Variants in RSU1 observed in about 807,000 individuals in gnomAD.
RSU1 encodes Ras suppressor protein 1.
A neutral mutation model predicts 31.1 loss-of-function variants in RSU1; 26 were observed. The observed-to-expected ratio is 0.84, with a 90% CI of 0.61 to 1.16. RSU1 has a LOEUF of 1.16. Ranked by LOEUF, RSU1 falls within the 50% of genes most tolerant of loss-of-function variation. The pLI, the probability that RSU1 is intolerant of heterozygous loss-of-function variation, is 0.00. For missense variants in RSU1, 320 were observed against 339.1 expected, an observed-to-expected ratio of 0.94 and a Z score of 0.44; for synonymous variants, 164 against 136.3, an observed-to-expected ratio of 1.20 and a Z score of -1.41.
At chr10:16,751,461 A>G (rs75295292) in intron 7 of RSU1, among the ~76,000 whole-genome samples, 1 of 152,160 alleles carries the variant, frequency 6.6e-6, no homozygotes, top group Admixed American at 6.5e-5. Flanking sequence ...ACAGAACTCA[A>G]GGTGCTGATA....
At chr10:16,763,014 A>G (rs1164740444) in intron 4 of RSU1, among the ~76,000 whole-genome samples, 2 of 151,884 alleles carry the variant, frequency 1.3e-5, no homozygotes, top group African/African-American at 2.4e-5. Flanking sequence ...AAAAACAAAA[A>G]CAAAAAAACC....
intron 3 of RSU1, among the ~76,000 whole-genome samples, chr10:16,767,684 T>G (rs1315677185): frequency 6.6e-6 from 1 of 152,142 alleles, no homozygotes; most frequent in East Asian, 1.9e-4. Context: ...ATTCACTCTT[T>G]GAACCAATAT....
chr10:16,721,522 G>C (rs1016739232), intron 7 of RSU1: 14 of 152,174 alleles, frequency 9.2e-5, no homozygotes, highest in African/African-American at 2.9e-4. Flanking sequence ...CCAAACACAG[G>C]CTTCCTGGCA....
chr10:16,704,428 T>C (rs1270460040), intron 7 of RSU1, among the ~76,000 whole-genome samples: 1 of 152,220 alleles, frequency 6.6e-6, no homozygotes, highest in African/African-American at 2.4e-5. Context: ...ATGTGACTAG[T>C]AGGCAGCCAG....
At chr10:16,672,252 G>A (rs1202978291) in intron 8 of RSU1, among the ~76,000 whole-genome samples, 2 of 152,014 alleles carry the variant, frequency 1.3e-5, no homozygotes, top group Non-Finnish European at 2.9e-5. Flanking sequence ...AGAGCTTGCA[G>A]TGAGCTGAGA....
At chr10:16,602,514 A>C (rs943627495) in intron 8 of RSU1, among the ~76,000 whole-genome samples, 3 of 152,164 alleles carry the variant, frequency 2.0e-5, no homozygotes, top group African/African-American at 7.2e-5. Context: ...TTTTCTTAAG[A>C]AGTCTACCAT....
chr10:16,627,147 G>A (rs771623839), intron 8 of RSU1, among the ~76,000 whole-genome samples: 9 of 152,144 alleles, frequency 5.9e-5, no homozygotes, highest in Non-Finnish European at 1.2e-4. Flanking sequence ...ACATCACTTC[G>A]CTATCAGTCT....
chr10:16,674,197 T>C (rs1477920332), intron 8 of RSU1, among the ~76,000 whole-genome samples: 2 of 152,146 alleles, frequency 1.3e-5, no homozygotes, highest in Non-Finnish European at 2.9e-5. Context: ...TAAAATTCTG[T>C]GTGCAGGAGT....
intron 2 of RSU1, among the ~76,000 whole-genome samples, chr10:16,786,414 T>C (rs72771318): frequency 0.026 from 4,006 of 152,318 alleles, 59 homozygotes; most frequent in Non-Finnish European, 0.037. Context: ...TGACACAAGA[T>C]ATTCAGGTTC....
intron 8 of RSU1, among the ~76,000 whole-genome samples, chr10:16,634,723 G>A (rs1421608173): frequency 6.6e-6 from 1 of 152,150 alleles, no homozygotes; most frequent in Non-Finnish European, 1.5e-5. Context: ...TGTGGGGTCT[G>A]GAAGGGACCT....
chr10:16,692,113 G>A (rs1835568616), intron 8 of RSU1, among the ~76,000 whole-genome samples: 2 of 152,126 alleles, frequency 1.3e-5, no homozygotes, highest in Admixed American at 1.3e-4. Context: ...AAGGCTCCAT[G>A]AGGAAATGAA....
intron 8 of RSU1, among the ~76,000 whole-genome samples, chr10:16,671,309 G>A (rs910772002): frequency 6.6e-5 from 10 of 152,118 alleles, no homozygotes; most frequent in African/African-American, 2.4e-4. Context: ...CTCCCAAAGA[G>A]CTGGGATTAC....
At chr10:16,698,827 A>G (rs983416818) in intron 7 of RSU1, among the ~76,000 whole-genome samples, 1 of 152,206 alleles carries the variant, frequency 6.6e-6, no homozygotes, top group East Asian at 1.9e-4. Flanking sequence ...CTTCACTTAT[A>G]TCACTTCCAA....
At chr10:16,685,866 AT>A (rs139541261) in intron 8 of RSU1, among the ~76,000 whole-genome samples, 3,827 of 152,288 alleles carry the variant, frequency 0.025, 167 homozygotes, top group African/African-American at 0.087. Context: ...GGAAAATAAT[AT>A]TTTATTCTTG....
intron 8 of RSU1, among the ~76,000 whole-genome samples, chr10:16,674,031 T>C (rs1835172836): frequency 6.6e-6 from 1 of 152,112 alleles, no homozygotes; most frequent in Admixed American, 6.6e-5. Flanking sequence ...CAGCAGCCAA[T>C]ATCTAGGTCC....
chr10:16,810,434 T>C (rs1283192025), intron 2 of RSU1, among the ~76,000 whole-genome samples: 2 of 152,042 alleles, frequency 1.3e-5, no homozygotes, highest in Non-Finnish European at 2.9e-5. Context: ...CACAAGCACA[T>C]CCCAACGAAA....
At chr10:16,710,786 T>A (rs774435445) in intron 7 of RSU1, among the ~76,000 whole-genome samples, 1 of 152,108 alleles carries the variant, frequency 6.6e-6, no homozygotes, top group Non-Finnish European at 1.5e-5. Flanking sequence ...TCATCTACAT[T>A]AGGAATTTCT....
intron 8 of RSU1, among the ~76,000 whole-genome samples, chr10:16,685,976 C>A (rs776570310): frequency 6.6e-6 from 1 of 152,146 alleles, no homozygotes; most frequent in Non-Finnish European, 1.5e-5. Flanking sequence ...TTGATGAATA[C>A]ATTGAGGCAT....
intron 7 of RSU1, among the ~76,000 whole-genome samples, chr10:16,728,083 G>A (rs1836433741): frequency 6.6e-6 from 1 of 152,184 alleles, no homozygotes; most frequent in Non-Finnish European, 1.5e-5. Context: ...CCAACCCTCT[G>A]AATGAGACTA....
Sources: gnomAD v4.1 joint callset for allele counts (sites outside exome capture counted in the v4.1 genomes callset) on GRCh38, gnomAD v4.1.1 for gene constraint, MANE v1.5 for transcripts, NCBI Gene and HGNC (gene_info 2026-07-23, HGNC 2026-07-21) for gene names.